ARMC2: variants seen among roughly 807,000 people sequenced by gnomAD.
ARMC2 encodes armadillo repeat containing 2.
In ARMC2, 67 loss-of-function variants were observed where a neutral mutation model predicts 90.3. The ratio of observed to expected loss-of-function variants is 0.74; its 90% CI spans 0.61 to 0.91. The LOEUF (loss-of-function observed/expected upper bound fraction) is 0.91, where lower values mean the gene tolerates loss of function less well. Ranked by LOEUF, ARMC2 falls within the 40% of genes least tolerant of loss-of-function variation. The pLI is 0.00. For synonymous variants in ARMC2, 393 were observed against 393.0 expected, an observed-to-expected ratio of 1.00 and a Z score of 0.00; for missense variants, 920 against 1,030.9, an observed-to-expected ratio of 0.89 and a Z score of 1.47.
chr6:109,014,710 T>C, the ARMC2 span, among the ~76,000 whole-genome samples: 105 of 152,330 alleles, frequency 6.9e-4, 1 homozygote, highest in Non-Finnish European at 1.3e-3. Flanking sequence ...TCCATATTTC[T>C]GTCACTCCTC....
the ARMC2 span, among the ~76,000 whole-genome samples, chr6:108,990,409 C>CT: frequency 6.6e-6 from 1 of 152,190 alleles, no homozygotes; most frequent in Non-Finnish European, 1.5e-5. Context: ...CTGGAGGCAG[C>CT]TGTCATTCAA....
chr6:108,958,705 C>T lies in ARMC2; in HGVS notation c.1916-2867C>T, dbSNP rs138220554. Among the ~76,000 whole-genome samples the T allele has an allele frequency of 1.9e-3, 283 of 152,310 alleles. 3 individuals carry two copies. Among genetic ancestry groups the T allele is most frequent in the African/African-American group, 6.5e-3 (271 of 41,568 alleles). The stretch of plus-strand genomic sequence containing the variant: ...GTTAGACATTCACCTGAGCTGCTCC[C>T]CATGAGCCGTCATTCTGGATGGCCC... On this transcript the variant is annotated intron_variant, in intron 13 of 17. Transcript: ENST00000392644.
At chr6:108,865,206 C>T (rs1775692306) in intron 3 of ARMC2, among the ~76,000 whole-genome samples, 1 of 151,976 alleles carries the variant, frequency 6.6e-6, no homozygotes, top group Non-Finnish European at 1.5e-5. Context: ...TGGTCTTGAA[C>T]TCCTGACCTC....
intron 3 of ARMC2, among the ~76,000 whole-genome samples, chr6:108,865,946 A>AG (rs1249425326): frequency 6.6e-6 from 1 of 151,060 alleles, no homozygotes; most frequent in Non-Finnish European, 1.5e-5. Flanking sequence ...GAGACCAGGA[A>AG]GTCAAGGCTG....
chr6:108,876,214 T>G lies in ARMC2; in HGVS notation c.535T>G (p.Leu179Val). The G allele has an allele frequency of 6.2e-7, 1 of 1,613,006 alleles. No homozygotes were observed. The highest frequency in any genetic ancestry group is 8.5e-7 in the Non-Finnish European group (1 of 1,179,582). Residue 179 changes from leucine (L) to valine (V), a missense_variant, in exon 5 of 18, where the codon TTA becomes GTA. Leu to Val is a conservative substitution (Grantham distance 32, BLOSUM62 1). Coordinates refer to ENST00000392644, the MANE Select transcript of ARMC2 (RefSeq NM_032131.6). The part of the protein sequence containing the change: ...DSMVKINGIY[L>V]TKSNAICHLK... Reference sequence around the variant, plus strand: ...TATGGTGAAAATAAATGGGATTTATTTAACAAAATCAAATGCTATTTGCCA... The same window carrying G: ...TATGGTGAAAATAAATGGGATTTATGTAACAAAATCAAATGCTATTTGCCA...
At chr6:108,990,985 C>T in the ARMC2 span, 1 of 614,156 alleles carries the variant, frequency 1.6e-6, no homozygotes. Context: ...ACACTCCAAT[C>T]TTTTTTTCAA....
At chr6:108,854,960 C>T (rs1376262406) in intron 2 of ARMC2, among the ~76,000 whole-genome samples, 2 of 152,192 alleles carry the variant, frequency 1.3e-5, no homozygotes, top group Non-Finnish European at 2.9e-5. Flanking sequence ...TTGCCTTTGC[C>T]AGAATGTCAT....
chr6:108,913,772 T>C (rs1037629010), intron 10 of ARMC2, among the ~76,000 whole-genome samples: 1 of 152,204 alleles, frequency 6.6e-6, no homozygotes, highest in Admixed American at 6.6e-5. Flanking sequence ...GCTATCATTC[T>C]CTTCCCTCCC....
At chr6:108,888,784 T>C (rs1011178360) in intron 5 of ARMC2, among the ~76,000 whole-genome samples, 2 of 152,230 alleles carry the variant, frequency 1.3e-5, no homozygotes, top group Non-Finnish European at 2.9e-5. Flanking sequence ...CTGTCAACCC[T>C]TGACTTACGG....
chr6:108,851,610 A>G (rs1465648784), intron 1 of ARMC2, among the ~76,000 whole-genome samples: 2 of 151,954 alleles, frequency 1.3e-5, no homozygotes, highest in Non-Finnish European at 2.9e-5. Flanking sequence ...ATCTGTGGGC[A>G]TATATCATAG....
rs61731702 is a variant in ARMC2 at position 108,953,074 on chromosome 6, G to A, written c.1638G>A (p.Thr546=). ...VRVVFILGNL[T]AKNNQAREQF... ...TTGTTTTTATTCTTGGCAACCTGAC[G>A]GCAAAAAATAACCAGGCTCGTGAAC... The change falls in exon 13 of 18, where the codon ACG becomes ACA. Residue 546 remains threonine (T), a synonymous_variant. Coordinates refer to ENST00000392644, the MANE Select transcript of ARMC2 (RefSeq NM_032131.6). 49 of 1,613,210 alleles carry A rather than the reference G, an allele frequency of 3.0e-5. 1 individual carries two copies. The highest frequency in any genetic ancestry group is 2.7e-4 in the East Asian group (12 of 44,876).
At chr6:108,869,124 T>G in intron 4 of ARMC2, 129 bp downstream of exon 4, 1 of 999,312 alleles carries the variant, frequency 1.0e-6, no homozygotes, top group Non-Finnish European at 1.4e-6. Flanking sequence ...TAGTTAATAT[T>G]GGGCAAAAGC....
chr6:108,871,130 G>A (rs1021779352), intron 4 of ARMC2, among the ~76,000 whole-genome samples: 1 of 152,216 alleles, frequency 6.6e-6, no homozygotes, highest in Non-Finnish European at 1.5e-5. Flanking sequence ...CCGGGCACGA[G>A]AGCAAGTGCT....
chr6:108,853,033 T>G (rs545527970), intron 1 of ARMC2, among the ~76,000 whole-genome samples: 1 of 152,314 alleles, frequency 6.6e-6, no homozygotes, highest in South Asian at 2.1e-4. Context: ...TCTCATCATT[T>G]TTGATAGTTA....
At chr6:109,003,215 T>A in the ARMC2 span, among the ~76,000 whole-genome samples, 5 of 151,742 alleles carry the variant, frequency 3.3e-5, no homozygotes, top group South Asian at 4.2e-4. Flanking sequence ...CATTTAAAAA[T>A]TTTTTTTAGA....
the ARMC2 span, among the ~76,000 whole-genome samples, chr6:109,039,616 C>G: frequency 6.6e-6 from 1 of 152,296 alleles, no homozygotes; most frequent in Admixed American, 6.5e-5. Context: ...GGTCATAGTC[C>G]CATCACTGGG....
At chr6:109,045,088 A>G in the ARMC2 span, among the ~76,000 whole-genome samples, 1 of 151,050 alleles carries the variant, frequency 6.6e-6, no homozygotes, top group Non-Finnish European at 1.5e-5. Context: ...CACCTCTTAT[A>G]TTCCCTATCT....
intron 5 of ARMC2, among the ~76,000 whole-genome samples, chr6:108,882,438 CAAAA>C (rs61688419): frequency 6.3e-5 from 8 of 126,456 alleles, no homozygotes; most frequent in Non-Finnish European, 8.5e-5. Flanking sequence ...GACTCCCTCT[CAAAA>C]AAAAAAAAAA....
At chr6:108,915,805 T>C (rs1773902891) in intron 10 of ARMC2, among the ~76,000 whole-genome samples, 1 of 152,020 alleles carries the variant, frequency 6.6e-6, no homozygotes, top group South Asian at 2.1e-4. Context: ...AAGGAGCAGT[T>C]GGAGGTGAGT....
Sources: allele counts gnomAD v4.1 joint callset (sites outside exome capture counted in the v4.1 genomes callset), GRCh38; gene constraint gnomAD v4.1.1; transcripts MANE v1.5; gene names NCBI Gene and HGNC (gene_info 2026-07-23, HGNC 2026-07-21).